ANO3: variants seen among roughly 807,000 people sequenced by gnomAD.
The protein encoded by ANO3 is anoctamin 3, also known as anoctamin-3.
In ANO3, 99 loss-of-function variants were observed where a neutral mutation model predicts 144.8. That is an observed-to-expected ratio of 0.68 (90% CI 0.58 to 0.81). The LOEUF (loss-of-function observed/expected upper bound fraction) is 0.81, where lower values mean the gene tolerates loss of function less well. Among genes scored for constraint, ANO3 ranks in the 30% least tolerant of loss-of-function variants. ANO3 has a pLI of 0.00. For synonymous variants in ANO3, 414 were observed against 392.6 expected (o/e 1.05, Z -0.64); for missense variants, 905 against 1,202.2 (o/e 0.75, Z 3.66).
At chr11:26,509,308 G>A (rs118148194) in intron 5 of ANO3, among the ~76,000 whole-genome samples, 3,247 of 151,728 alleles carry the variant, frequency 0.021, 59 homozygotes, top group Non-Finnish European at 0.035. Flanking sequence ...CTAAACCTAA[G>A]TTACTTTTTT....
At chr11:26,357,672 T>C (rs1184091597) in intron 1 of ANO3, among the ~76,000 whole-genome samples, 2 of 152,190 alleles carry the variant, frequency 1.3e-5, no homozygotes, top group African/African-American at 4.8e-5. Flanking sequence ...GGGTATTTTA[T>C]AGAGAAAATG....
intron 1 of ANO3, chr11:26,189,380 T>C: frequency 1.1e-6 from 1 of 938,142 alleles, no homozygotes; most frequent in Non-Finnish European, 1.3e-6. Flanking sequence ...CTTATGTTTG[T>C]ACTTCTTTAA....
intron 1 of ANO3, among the ~76,000 whole-genome samples, chr11:26,290,227 G>C (rs1408799630): frequency 6.6e-6 from 1 of 152,124 alleles, no homozygotes; most frequent in Admixed American, 6.5e-5. Context: ...TCTGATGGTA[G>C]TTTGTATTTC....
upstream of ANO3, among the ~76,000 whole-genome samples, chr11:26,329,813 T>A (rs1467544248): frequency 2.5e-5 from 1 of 39,450 alleles, no homozygotes; most frequent in Non-Finnish European, 7.8e-5. Flanking sequence ...GGGACTTAAA[T>A]TTTTTTTTTT....
In ANO3 at chr11:26,441,927, T is replaced by C; in HGVS notation, c.56T>C (p.Ile19Thr). Reference protein sequence around the residue: ...QSFKQQKGMNISKSEITKETS... With the variant: ...QSFKQQKGMNTSKSEITKETS... ...CATTTTGGATTTGCAGGTATGAATA[T>C]AAGCAAGAGTGAGATAACAAAAGAA... The change falls in exon 2 of 27, where the codon ATA (isoleucine) becomes ACA (threonine). Residue 19 changes from isoleucine to threonine, a missense_variant. Ile to Thr is a moderately conservative substitution (Grantham distance 89). Transcript: ENST00000256737. 1 of 1,612,818 alleles carries C rather than the reference T, an allele frequency of 6.2e-7. No homozygotes were observed.
rs368004562 is a variant in ANO3, at chr11:26,432,169, C to CT, written c.47-9741dup. 3.7e-3 allele frequency among the ~76,000 whole-genome samples: 559 copies of CT among 151,836 alleles called. 4 individuals are homozygous for CT. Among genetic ancestry groups the CT allele is most frequent in the African/African-American group, 0.013 (526 of 41,364 alleles). On this transcript the variant is annotated intron_variant, in intron 1 of 26. Transcript: ENST00000256737. Reference sequence around the variant, plus strand: ...TACTCTAATGATCAGTGGTATTGAGCTTTTTTTTCCCATAATTGGTGGCCA... The same window carrying CT: ...TACTCTAATGATCAGTGGTATTGAGCTTTTTTTTTCCCATAATTGGTGGCCA...
At chr11:26,188,826 C>G (rs1026081757), upstream of ANO3, among the ~76,000 whole-genome samples, 1 of 152,134 alleles carries the variant, frequency 6.6e-6, no homozygotes, top group Admixed American at 6.6e-5. Context: ...AAAAGCATCT[C>G]TCTGCAGCCT....
chr11:26,632,372 C>T (rs934008248), intron 18 of ANO3, among the ~76,000 whole-genome samples: 12 of 151,058 alleles, frequency 7.9e-5, no homozygotes, highest in African/African-American at 2.4e-4. Flanking sequence ...AAAACTTAGC[C>T]GGGCGTGGTG....
intron 1 of ANO3, chr11:26,427,524 G>A (rs912929225): frequency 6.6e-6 from 1 of 151,954 alleles, no homozygotes; most frequent in East Asian, 1.9e-4. Context: ...AAAATCAATG[G>A]GAAATAGTGA....
At position 26,652,747 on chromosome 11, in the gene ANO3, A is replaced by G. The variant is rs146919037; in HGVS notation, c.2577-3378A>G. Reference sequence around the variant, plus strand: ...TACATCCAAAGAGTTTTCTGTTCCTATGTTCTCCAATTCCCCTTCTCTTCT... The same window carrying G: ...TACATCCAAAGAGTTTTCTGTTCCTGTGTTCTCCAATTCCCCTTCTCTTCT... On this transcript the variant is annotated intron_variant, in intron 24 of 26. Transcript: ENST00000256737. Among the ~76,000 whole-genome samples the G allele has an allele frequency of 9.3e-3, 1,419 of 152,186 alleles. 20 individuals are homozygous for G. Among genetic ancestry groups the G allele is most frequent in the Middle Eastern group, 0.051 (15 of 292 alleles).
At chr11:26,526,199 G>A (rs930245846) in intron 7 of ANO3, among the ~76,000 whole-genome samples, 2 of 152,020 alleles carry the variant, frequency 1.3e-5, no homozygotes, top group Non-Finnish European at 1.5e-5. Context: ...TATTGAAAAC[G>A]AACTTTTGAA....
intron 1 of ANO3, among the ~76,000 whole-genome samples, chr11:26,262,862 G>A (rs1853222578): frequency 6.6e-6 from 1 of 151,892 alleles, no homozygotes; most frequent in Non-Finnish European, 1.5e-5. Flanking sequence ...ATTGATCTTG[G>A]GCTTCTCAGC....
intron 14 of ANO3, among the ~76,000 whole-genome samples, chr11:26,581,918 C>A (rs1397199560): frequency 3.9e-5 from 6 of 152,152 alleles, no homozygotes; most frequent in African/African-American, 1.4e-4. Flanking sequence ...TGTGTAACAA[C>A]TAGAGTGTTA....
At chr11:26,479,683 G>C (rs1045045178) in intron 4 of ANO3, among the ~76,000 whole-genome samples, 1 of 152,112 alleles carries the variant, frequency 6.6e-6, no homozygotes, top group Non-Finnish European at 1.5e-5. Flanking sequence ...TGAGATTCAG[G>C]TGGGGACACA....
intron 1 of ANO3, among the ~76,000 whole-genome samples, chr11:26,239,233 T>C (rs569894374): frequency 6.6e-6 from 1 of 152,194 alleles, no homozygotes; most frequent in East Asian, 1.9e-4. Flanking sequence ...TCCAAAAACA[T>C]TATCATTAAA....
intron 1 of ANO3, among the ~76,000 whole-genome samples, chr11:26,207,681 G>A (rs1450776134): frequency 6.6e-5 from 10 of 152,078 alleles, no homozygotes; most frequent in Non-Finnish European, 1.2e-4. Flanking sequence ...GTAGAGCAAA[G>A]TGGGATTTTT....
chr11:26,245,760 AC>A (rs1400932479), intron 1 of ANO3, among the ~76,000 whole-genome samples: 1 of 152,190 alleles, frequency 6.6e-6, no homozygotes, highest in Non-Finnish European at 1.5e-5. Flanking sequence ...CCGATTGGGT[AC>A]AGATGTTTAT....
intron 1 of ANO3, among the ~76,000 whole-genome samples, chr11:26,381,394 C>T (rs1590311835): frequency 1.3e-5 from 2 of 152,142 alleles, no homozygotes; most frequent in African/African-American, 4.8e-5. Flanking sequence ...GCCAGCTACT[C>T]ATCATCAGTT....
intron 14 of ANO3, chr11:26,566,905 G>A (rs987941238): frequency 1.0e-5 from 6 of 579,638 alleles, no homozygotes; most frequent in Non-Finnish European, 1.3e-5. Flanking sequence ...TGAATGGGCT[G>A]ACTTAGGTAG....
Sources: gnomAD v4.1 joint callset for allele counts (sites outside exome capture counted in the v4.1 genomes callset) on GRCh38, gnomAD v4.1.1 for gene constraint, MANE v1.5 for transcripts, NCBI Gene and HGNC (gene_info 2026-07-23, HGNC 2026-07-21) for gene names.